Variants in ARFGEF2 observed in about 807,000 individuals in gnomAD.
The protein encoded by ARFGEF2 is ARF guanine nucleotide exchange factor 2.
In ARFGEF2, 74 loss-of-function variants were observed where a neutral mutation model predicts 219.9. The ratio of observed to expected loss-of-function variants is 0.34; its 90% CI spans 0.28 to 0.41. The LOEUF (loss-of-function observed/expected upper bound fraction) is 0.41. Among genes scored for constraint, ARFGEF2 ranks in the 10% least tolerant of loss-of-function variants. The pLI, the probability that ARFGEF2 is intolerant of heterozygous loss-of-function variation, is 1.00. For missense variants in ARFGEF2, 1,743 were observed against 2,218.3 expected (o/e 0.79, Z 4.30); for synonymous variants, 733 against 799.2 (o/e 0.92, Z 1.40).
intron 26 of ARFGEF2, among the ~76,000 whole-genome samples, chr20:49,006,657 G>C (rs536252801): frequency 2.0e-5 from 3 of 152,284 alleles, no homozygotes; most frequent in Non-Finnish European, 4.4e-5. Flanking sequence ...TGCTGCCTTG[G>C]CATGAGAATT....
At chr20:49,012,658 C>G (rs1023483622) in intron 28 of ARFGEF2, among the ~76,000 whole-genome samples, 8 of 150,630 alleles carry the variant, frequency 5.3e-5, no homozygotes, top group Non-Finnish European at 1.0e-4. Flanking sequence ...ACAGAAAGAG[C>G]TATAAACCTG....
At chr20:48,945,191 G>A (rs1339653774) in intron 3 of ARFGEF2, among the ~76,000 whole-genome samples, 1 of 152,106 alleles carries the variant, frequency 6.6e-6, no homozygotes, top group Non-Finnish European at 1.5e-5. Flanking sequence ...CCATCACATT[G>A]CAGGCTTAAG....
At chr20:49,000,138 G>A (rs2091416798) in intron 25 of ARFGEF2, among the ~76,000 whole-genome samples, 1 of 152,196 alleles carries the variant, frequency 6.6e-6, no homozygotes, top group African/African-American at 2.4e-5. Context: ...TTGTGGACAG[G>A]TGCTAGTCTA....
chr20:48,961,859 C>A (rs1323991960), intron 6 of ARFGEF2, among the ~76,000 whole-genome samples: 2 of 139,854 alleles, frequency 1.4e-5, no homozygotes, highest in East Asian at 4.2e-4. Context: ...GTGAGACTCT[C>A]TCAAAAAAAA....
At position 49,025,468 on chromosome 20, in the gene ARFGEF2, C is replaced by T; in HGVS notation, c.4911C>T (p.Val1637=). The change falls in exon 36 of 39, where the codon GTC becomes GTT. Residue 1637 remains valine, a synonymous_variant. Transcript: ENST00000371917. ...AFNSNYEQRT[V]LWRAGFKGKS... ...ACTCCAATTACGAGCAGCGGACTGT[C>T]CTGTGGCGAGCAGGTAAGGCCACAC... 6.2e-7 allele frequency: 1 copy of T among 1,613,980 alleles called. No individual in the cohort carries two copies. The highest frequency in any genetic ancestry group is 8.5e-7 in the Non-Finnish European group (1 of 1,179,936).
rs2295030 is a variant in ARFGEF2, at chr20:48,952,575, C to A, written c.424-130C>A. 0.28 allele frequency: 247,961 copies of A among 884,908 alleles called. 36,983 individuals carry two copies. The highest frequency in any genetic ancestry group is 0.45 in the East Asian group (17,475 of 38,856). 54.8% of individuals were successfully genotyped at this position (884,908 alleles called of 1,614,324 possible). ...CACCTAGTTTAATTTGCAGAGCCAT[C>A]TTACAATTTATTTGAAAAAAGCACA... On this transcript the variant is annotated intron_variant, in intron 4 of 38. Coordinates refer to ENST00000371917, the MANE Select transcript of ARFGEF2 (RefSeq NM_006420.3).
At chr20:48,982,448 T>TA (rs1291292399) in intron 14 of ARFGEF2, among the ~76,000 whole-genome samples, 4 of 152,178 alleles carry the variant, frequency 2.6e-5, no homozygotes, top group Non-Finnish European at 4.4e-5. Flanking sequence ...CCAGTTAGGC[T>TA]ACATGGGGGT....
At chr20:48,941,266 A>G (rs1041140652) in intron 2 of ARFGEF2, 37 bp downstream of exon 2, 1 of 1,607,650 alleles carries the variant, frequency 6.2e-7, no homozygotes, top group Non-Finnish European at 8.5e-7. Flanking sequence ...GAGATACGGC[A>G]TGAAGGGAGT....
rs559798438 is a variant in ARFGEF2, at chr20:48,922,540, C to T, written c.121+530C>T. 2.6e-5 allele frequency among the ~76,000 whole-genome samples: 4 copies of T among 152,376 alleles called. No individual in the cohort carries two copies. The East Asian group carries it at 7.7e-4, about 29-fold the overall frequency. On this transcript the variant is annotated intron_variant, in intron 1 of 38. Transcript: ENST00000371917. ...TAGAAGGTGTTCTGGATCTCCCAGGCATTGTAGTGAGCAAGACATCTGCTT... is the reference window on the plus strand; with the variant it reads ...TAGAAGGTGTTCTGGATCTCCCAGGTATTGTAGTGAGCAAGACATCTGCTT...
intron 34 of ARFGEF2, 75 bp downstream of exon 34, chr20:49,019,073 G>C: frequency 2.4e-6 from 3 of 1,259,866 alleles, no homozygotes; most frequent in Non-Finnish European, 3.4e-6. Flanking sequence ...GCACAAAAGG[G>C]TAAACATGAT....
chr20:48,988,499 TA>T lies in ARFGEF2; in HGVS notation c.2374del (p.Met792Ter). On this transcript the variant is annotated frameshift_variant, in exon 18 of 39. Coordinates refer to ENST00000371917, the MANE Select transcript of ARFGEF2 (RefSeq NM_006420.3). LOFTEE classifies it high-confidence loss of function. ...ATTTTTTTTAATTACAGGTAAAAAA[TA>T]AAATGACGAAAGAGCAGTATATTAA... ...TDLHSPQVKN[K>X]MTKEQYIKMN... 1 of 1,612,578 alleles carries T rather than the reference TA, an allele frequency of 6.2e-7. No homozygotes were observed. Among genetic ancestry groups the T allele is most frequent in the Non-Finnish European group, 8.5e-7 (1 of 1,179,184 alleles).
At chr20:49,028,819 T>A (rs2091618021) in intron 37 of ARFGEF2, 151 bp downstream of exon 37, 2 of 807,326 alleles carry the variant, frequency 2.5e-6, no homozygotes, top group Non-Finnish European at 4.0e-6. Flanking sequence ...CCCATTTCAC[T>A]TTTCTTAATG....
intron 21 of ARFGEF2, among the ~76,000 whole-genome samples, chr20:48,991,893 T>C (rs965609938): frequency 6.6e-6 from 1 of 152,218 alleles, no homozygotes; most frequent in Non-Finnish European, 1.5e-5. Flanking sequence ...CAATACTACC[T>C]AAGAAATGTT....
intron 17 of ARFGEF2, 36 bp downstream of exon 17, chr20:48,988,424 T>G: frequency 6.2e-7 from 1 of 1,611,302 alleles, no homozygotes; most frequent in Non-Finnish European, 8.5e-7. Flanking sequence ...TTGTATTAGC[T>G]AAATAAGTGG....
At chr20:48,979,332 A>G (rs2091281471) in intron 14 of ARFGEF2, among the ~76,000 whole-genome samples, 1 of 152,126 alleles carries the variant, frequency 6.6e-6, no homozygotes, top group African/African-American at 2.4e-5. Flanking sequence ...AGCTGACTTG[A>G]TCGTGGTGGA....
Position 48,974,829 on chromosome 20 carries a change from T to G in ARFGEF2, c.1729T>G (p.Trp577Gly). The change falls in exon 13 of 39, where the codon TGG becomes GGG. Residue 577 changes from tryptophan (W) to glycine (G), a missense_variant. Trp to Gly is a radical substitution (Grantham distance 184). Around this residue, in one of 5 missense-constraint regions of ARFGEF2, gnomAD observed 666 missense variants for 955.4 expected, o/e 0.70. Coordinates refer to ENST00000371917, the MANE Select transcript of ARFGEF2 (RefSeq NM_006420.3). ...LVSILKCMVEWSKDLYVNPNH... is the reference protein window; with the variant it reads ...LVSILKCMVEGSKDLYVNPNH... Reference sequence around the variant, plus strand: ...GTCCATTCTCAAGTGCATGGTGGAGTGGAGCAAAGACCTGTATGTGAATCC... The same window carrying G: ...GTCCATTCTCAAGTGCATGGTGGAGGGGAGCAAAGACCTGTATGTGAATCC... The G allele has an allele frequency of 1.2e-6, 2 of 1,613,706 alleles. No homozygotes were observed. The highest frequency in any genetic ancestry group is 1.7e-6 in the Non-Finnish European group (2 of 1,179,900).
At chr20:48,922,082 T>A in intron 1 of ARFGEF2, 72 bp downstream of exon 1, 1 of 1,511,142 alleles carries the variant, frequency 6.6e-7, no homozygotes, top group South Asian at 1.2e-5. Context: ...CTACTCGGCC[T>A]TGGCCCGGCC....
intron 27 of ARFGEF2, among the ~76,000 whole-genome samples, chr20:49,011,460 G>A (rs2091497643): frequency 6.6e-6 from 1 of 152,190 alleles, no homozygotes. Flanking sequence ...ACAACAACTT[G>A]CCTGAGGACA....
intron 3 of ARFGEF2, among the ~76,000 whole-genome samples, chr20:48,943,531 C>G (rs2091006624): frequency 6.6e-6 from 1 of 152,162 alleles, no homozygotes; most frequent in African/African-American, 2.4e-5. Context: ...TGCTCAGGAC[C>G]TACTCCTTAG....
Sources: gnomAD v4.1 joint callset for allele counts (sites outside exome capture counted in the v4.1 genomes callset) on GRCh38, gnomAD v4.1.1 for gene constraint, gnomAD v4.1.1 regional missense constraint, MANE v1.5 for transcripts, NCBI Gene and HGNC (gene_info 2026-07-23, HGNC 2026-07-21) for gene names.